Variants in SRD5A1 observed in about 807,000 individuals in gnomAD.
SRD5A1 encodes 3-oxo-5-alpha-steroid 4-dehydrogenase 1.
Under a neutral mutation model 28.2 loss-of-function variants are expected in SRD5A1, and 22 were observed. The ratio of observed to expected loss-of-function variants is 0.78; its 90% CI spans 0.56 to 1.12. The LOEUF (loss-of-function observed/expected upper bound fraction) is 1.12, where lower values mean the gene tolerates loss of function less well. SRD5A1 is among the 50% of genes most tolerant of loss of function. The pLI is 0.00. For synonymous variants in SRD5A1, 151 were observed against 135.0 expected (o/e 1.12, Z -0.82); for missense variants, 300 against 346.7 (o/e 0.87, Z 1.07).
Position 6,662,901 on chromosome 5 carries a change from C to T in SRD5A1, c.648C>T (p.Val216=), listed in dbSNP as rs754609951. The part of the protein sequence containing the change: ...WCGYALASWS[V]QGAAFAFFTF... Reference sequence around the variant, plus strand: ...GCTATGCCCTGGCCAGCTGGTCTGTCCAAGGCGCGGCTTTTGCTTTCTTCA... The same window carrying T: ...GCTATGCCCTGGCCAGCTGGTCTGTTCAAGGCGCGGCTTTTGCTTTCTTCA... The change falls in exon 4 of 5, where the codon GTC becomes GTT. Residue 216 remains valine, a synonymous_variant. Transcript: ENST00000274192. 6.2e-7 allele frequency: 1 copy of T among 1,613,712 alleles called. No individual in the cohort carries two copies. Among genetic ancestry groups the T allele is most frequent in the African/African-American group, 1.3e-5 (1 of 74,900 alleles).
intron 3 of SRD5A1, among the ~76,000 whole-genome samples, chr5:6,657,828 C>T (rs1343933840): frequency 6.6e-6 from 1 of 152,206 alleles, no homozygotes. Context: ...CTTTTCAGCC[C>T]CTGTCCCTCC....
chr5:6,667,653 T>C (rs1253608448), intron 4 of SRD5A1, among the ~76,000 whole-genome samples: 1 of 152,202 alleles, frequency 6.6e-6, no homozygotes, highest in Non-Finnish European at 1.5e-5. Context: ...CGGAAAATAA[T>C]GTTTGTTTCG....
intron 1 of SRD5A1, among the ~76,000 whole-genome samples, chr5:6,644,087 G>C (rs989817436): frequency 6.6e-6 from 1 of 152,210 alleles, no homozygotes; most frequent in Non-Finnish European, 1.5e-5. Flanking sequence ...CACCACATAC[G>C]CAGAATGTTT....
At chr5:6,667,643 C>T (rs1376631672) in intron 4 of SRD5A1, among the ~76,000 whole-genome samples, 2 of 152,174 alleles carry the variant, frequency 1.3e-5, no homozygotes, top group African/African-American at 4.8e-5. Context: ...TATATCAAAA[C>T]GGAAAATAAT....
chr5:6,669,238 T>C lies in SRD5A1; in HGVS notation c.*970T>C, dbSNP rs1802949. ...TTTATCCTGTTTGTTCTTTGTTGAT[T>C]GAAACATAATAATTGTTAAAATTCT... On this transcript the variant is annotated 3_prime_UTR_variant, in exon 5 of 5. Transcript: ENST00000274192. 1 of 152,390 alleles carries C rather than the reference T, an allele frequency of 6.6e-6. No homozygotes were observed. The highest frequency in any genetic ancestry group is 2.1e-4 in the South Asian group (1 of 4,834). The allele number at this position is 152,390 out of a possible 1,614,324, so 9.4% of individuals were successfully genotyped here.
intron 2 of SRD5A1, among the ~76,000 whole-genome samples, chr5:6,654,110 A>C (rs1432282153): frequency 6.6e-6 from 1 of 151,080 alleles, no homozygotes; most frequent in Admixed American, 6.6e-5. Context: ...TGGAGTGCAG[A>C]GGTGCAATCT....
intron 1 of SRD5A1, among the ~76,000 whole-genome samples, chr5:6,649,157 T>C (rs1016786250): frequency 1.3e-5 from 2 of 152,164 alleles, no homozygotes; most frequent in African/African-American, 4.8e-5. Flanking sequence ...GAGGTGTCTG[T>C]CGGCCCCTAC....
chr5:6,638,821 G>A (rs1730014169), intron 1 of SRD5A1, among the ~76,000 whole-genome samples: 1 of 152,208 alleles, frequency 6.6e-6, no homozygotes, highest in African/African-American at 2.4e-5. Flanking sequence ...TTTTACAGAA[G>A]GAAAGGCTAG....
chr5:6,659,747 C>T (rs981516756), intron 3 of SRD5A1, among the ~76,000 whole-genome samples: 5 of 152,100 alleles, frequency 3.3e-5, no homozygotes, highest in Non-Finnish European at 7.4e-5. Context: ...ACACGAGAGG[C>T]CCAAGGAACG....
chr5:6,650,072 T>G (rs1376216797), intron 1 of SRD5A1, among the ~76,000 whole-genome samples: 1 of 152,222 alleles, frequency 6.6e-6, no homozygotes, highest in East Asian at 1.9e-4. Context: ...TTCTTTCTTC[T>G]CGGGTCAGTT....
chr5:6,650,217 A>G (rs537855426), intron 1 of SRD5A1, among the ~76,000 whole-genome samples: 13 of 152,016 alleles, frequency 8.6e-5, no homozygotes, highest in Non-Finnish European at 1.6e-4. Flanking sequence ...CAGACTAGAG[A>G]TCAGACATAG....
At chr5:6,662,665 C>T (rs1341919682) in intron 3 of SRD5A1, 151 bp from the exon 4 acceptor site, 10 of 802,398 alleles carry the variant, frequency 1.2e-5, no homozygotes, top group African/African-American at 5.2e-5. Flanking sequence ...AACCATGTAA[C>T]GCTGGATATG....
intron 1 of SRD5A1, among the ~76,000 whole-genome samples, chr5:6,649,650 G>C (rs1738607738): frequency 6.6e-6 from 1 of 152,202 alleles, no homozygotes; most frequent in Non-Finnish European, 1.5e-5. Context: ...CGTTCCTCCT[G>C]GTACAGTCTC....
chr5:6,665,668 G>A (rs824811), intron 4 of SRD5A1, among the ~76,000 whole-genome samples: 126,129 of 152,088 alleles, frequency 0.83, 52,887 homozygotes, highest in African/African-American at 0.95. Flanking sequence ...CTCATTAAAA[G>A]AAACAAATGA....
intron 2 of SRD5A1, among the ~76,000 whole-genome samples, 185 bp downstream of exon 2, chr5:6,652,193 C>T (rs978338483): frequency 5.3e-5 from 8 of 152,202 alleles, no homozygotes; most frequent in East Asian, 1.9e-4. Flanking sequence ...AGAGAGGTGA[C>T]GCAGGTGCTG....
chr5:6,671,376 GT>G lies in SRD5A1; in HGVS notation c.*3111del, dbSNP rs755074458. The G allele has an allele frequency of 3.3e-5, 5 of 151,744 alleles. No individual in the cohort carries two copies. The highest frequency in any genetic ancestry group is 7.4e-5 in the Non-Finnish European group (5 of 67,988). The allele number at this position is 151,744 out of a possible 1,614,324, so 9.4% of individuals were successfully genotyped here. A position where few individuals can be genotyped will look rare whatever the true frequency, so the allele number is the denominator to read the frequency against. On this transcript the variant is annotated 3_prime_UTR_variant, in exon 5 of 5. Coordinates refer to ENST00000274192, the MANE Select transcript of SRD5A1 (RefSeq NM_001047.4). ...TTGTTTGTTTTTTTCTTACTGATTT[GT>G]TTGAGTTTGTTGTAGATTCTGGATA...
chr5:6,651,012 C>T (rs1346381505), intron 1 of SRD5A1, among the ~76,000 whole-genome samples: 2 of 152,062 alleles, frequency 1.3e-5, no homozygotes, highest in African/African-American at 4.8e-5. Flanking sequence ...TACTTTACCA[C>T]TCTGAGTCTT....
At chr5:6,666,187 G>A (rs824810) in intron 4 of SRD5A1, among the ~76,000 whole-genome samples, 95,291 of 151,542 alleles carry the variant, frequency 0.63, 31,503 homozygotes, top group African/African-American at 0.85. Context: ...TCGCTCTGTC[G>A]CCCAGGCTGG....
At chr5:6,643,029 TAATTTG>T (rs1738409315) in intron 1 of SRD5A1, among the ~76,000 whole-genome samples, 1 of 109,470 alleles carries the variant, frequency 9.1e-6, no homozygotes, top group Non-Finnish European at 1.9e-5. Flanking sequence ...TGTAAGTTTG[TAATTTG>T]TTTTTTTTTT....
Sources: allele counts gnomAD v4.1 joint callset (sites outside exome capture counted in the v4.1 genomes callset), GRCh38; gene constraint gnomAD v4.1.1; transcripts MANE v1.5; gene names NCBI Gene and HGNC (gene_info 2026-07-23, HGNC 2026-07-21).